FAM240A: variants seen among roughly 807,000 people sequenced by gnomAD.
FAM240A encodes protein FAM240A.
Under a neutral mutation model 7.3 loss-of-function variants are expected in FAM240A, and 8 were observed. That is an observed-to-expected ratio of 1.09 (90% CI 0.64 to 1.97). The LOEUF (loss-of-function observed/expected upper bound fraction) is 1.97, where lower values mean the gene tolerates loss of function less well. FAM240A is among the 30% of genes most tolerant of loss of function. FAM240A has a pLI of 0.00. For missense variants in FAM240A, 90 were observed against 102.2 expected (o/e 0.88, Z 0.52); for synonymous variants, 32 against 35.9 (o/e 0.89, Z 0.38).
intron 2 of FAM240A, among the ~76,000 whole-genome samples, chr3:46,618,113 G>A (rs1187829604): frequency 6.6e-6 from 1 of 152,216 alleles, no homozygotes; most frequent in East Asian, 1.9e-4. Flanking sequence ...CTTGTGTGCT[G>A]TCCAGACAGC....
intron 2 of FAM240A, among the ~76,000 whole-genome samples, chr3:46,624,176 T>C (rs753760869): frequency 5.6e-4 from 86 of 152,220 alleles, no homozygotes; most frequent in Non-Finnish European, 2.4e-4. Context: ...TCTTGGCCTT[T>C]ATGCTATTGT....
intron 2 of FAM240A, among the ~76,000 whole-genome samples, chr3:46,622,110 T>C (rs1198577844): frequency 7.4e-6 from 1 of 135,404 alleles, no homozygotes; most frequent in South Asian, 2.6e-4. Flanking sequence ...AATTTTCTTT[T>C]TTTTTTTTTT....
At chr3:46,618,370 T>C (rs869701) in intron 2 of FAM240A, among the ~76,000 whole-genome samples, 75,173 of 151,988 alleles carry the variant, frequency 0.49, 18,919 homozygotes, top group Non-Finnish European at 0.54. Context: ...CCCCAGGCTA[T>C]GCCACTCAGA....
chr3:46,623,039 T>G (rs115401665), intron 2 of FAM240A, among the ~76,000 whole-genome samples: 1,988 of 152,302 alleles, frequency 0.013, 37 homozygotes, highest in African/African-American at 0.042. Flanking sequence ...TTTTAATATC[T>G]CTCAGCAATG....
At chr3:46,616,704 C>T (rs112303696) in intron 1 of FAM240A, among the ~76,000 whole-genome samples, 79 of 149,534 alleles carry the variant, frequency 5.3e-4, no homozygotes, top group African/African-American at 1.9e-3. Context: ...CACACACACA[C>T]ACACACACAC....
rs10539495 is a variant in FAM240A, at chr3:46,624,963, TTATA to T, written c.162-149_162-146del. ...ATATAAATAAATAAATATGAATAAA[TTATA>T]TATATATATATATATTTAAACTTGC... On this transcript the variant is annotated intron_variant, in intron 2 of 2. Coordinates refer to ENST00000640551, the MANE Select transcript of FAM240A (RefSeq NM_001195442.2). Among the ~76,000 whole-genome samples, 20 of 146,618 alleles carry T rather than the reference TTATA, an allele frequency of 1.4e-4. No homozygotes were observed. In the South Asian group the frequency reaches 2.5e-3, roughly 19 times the overall value.
At position 46,626,304 on chromosome 3, in the gene FAM240A, G is replaced by C. The variant is rs1697760693; in HGVS notation, c.*1086G>C. On this transcript the variant is annotated 3_prime_UTR_variant, in exon 3 of 3. Coordinates refer to ENST00000640551, the MANE Select transcript of FAM240A (RefSeq NM_001195442.2). Reference sequence around the variant, plus strand: ...GGAATCCGGGAGTGGCCAACCGGGAGTTTCATACCTTAATTGTGAAGGACA... The same window carrying C: ...GGAATCCGGGAGTGGCCAACCGGGACTTTCATACCTTAATTGTGAAGGACA... 6.6e-6 allele frequency: 1 copy of C among 152,198 alleles called. No homozygotes were observed. The highest frequency in any genetic ancestry group is 6.5e-5 in the Admixed American group (1 of 15,288). The allele number at this position is 152,198 out of a possible 1,614,324, so 9.4% of individuals were successfully genotyped here.
In FAM240A at chr3:46,617,092, T is replaced by C. The variant is rs202089416; in HGVS notation, c.16-91T>C. The C allele has an allele frequency of 2.0e-4, 172 of 859,778 alleles. 2 individuals carry two copies. In the East Asian group the frequency reaches 4.7e-3, roughly 23 times the overall value. The allele number at this position is 859,778 out of a possible 1,614,324, so 53.3% of individuals were successfully genotyped here. A position where few individuals can be genotyped will look rare whatever the true frequency, so the allele number is the denominator to read the frequency against. On this transcript the variant is annotated intron_variant, in intron 1 of 2. Transcript: ENST00000640551. ...GAGTAAGATGGTAGGTATCTCATTGTGGTTTTAATTTACATTTCCCTGATG... is the reference window on the plus strand; with the variant it reads ...GAGTAAGATGGTAGGTATCTCATTGCGGTTTTAATTTACATTTCCCTGATG...
intron 2 of FAM240A, among the ~76,000 whole-genome samples, chr3:46,618,846 GA>G (rs1482829751): frequency 9.1e-6 from 1 of 109,578 alleles, no homozygotes; most frequent in Admixed American, 9.6e-5. Context: ...GTCTCAAAAA[GA>G]AAAAAAGATA....
intron 2 of FAM240A, among the ~76,000 whole-genome samples, chr3:46,622,121 T>C (rs888227197): frequency 2.9e-4 from 41 of 142,164 alleles, no homozygotes; most frequent in African/African-American, 1.0e-3. Context: ...TTTTTTTTTT[T>C]TTTTTTTTTG....
chr3:46,621,354 T>TGA (rs1559439380), intron 2 of FAM240A, among the ~76,000 whole-genome samples: 2 of 151,810 alleles, frequency 1.3e-5, no homozygotes, highest in Middle Eastern at 3.4e-3. Context: ...GACTTTATAT[T>TGA]GTCTGTTAAT....
rs139502980 is a variant in FAM240A at position 46,615,466 on chromosome 3, G to C, written c.16-1717G>C. Among the ~76,000 whole-genome samples the C allele has an allele frequency of 4.5e-3, 686 of 152,218 alleles. 9 individuals are homozygous for C. The highest frequency in any genetic ancestry group is 0.015 in the African/African-American group (617 of 41,524). On this transcript the variant is annotated intron_variant, in intron 1 of 2. Transcript: ENST00000640551. ...TCATCATCTTTGCCCCTCCCGTCCT[G>C]GTCACAGCATCGCTCTGGGCTCCTC...
intron 1 of FAM240A, among the ~76,000 whole-genome samples, chr3:46,615,811 T>A (rs1183129033): frequency 1.3e-5 from 2 of 152,124 alleles, no homozygotes; most frequent in African/African-American, 2.4e-5. Context: ...GAGTGTCTGA[T>A]ATGTATAATT....
In FAM240A at chr3:46,618,621, A is replaced by G. The variant is rs189832567; in HGVS notation, c.161+1293A>G. 4.1e-4 allele frequency among the ~76,000 whole-genome samples: 63 copies of G among 152,140 alleles called. No individual in the cohort carries two copies. In the East Asian group the frequency reaches 0.01, roughly 25 times the overall value. ...TTTGGGAGGCTGAGGTGGGCGGATC[A>G]CCTGAGGTCGAGAGTTTGAGACCAG... On this transcript the variant is annotated intron_variant, in intron 2 of 2. Transcript: ENST00000640551.
intron 2 of FAM240A, among the ~76,000 whole-genome samples, chr3:46,622,691 A>C (rs571404120): frequency 6.6e-6 from 1 of 152,210 alleles, no homozygotes; most frequent in South Asian, 2.1e-4. Context: ...TAACTCATCT[A>C]TGTGTAGGAA....
chr3:46,615,310 A>C (rs1697615485), intron 1 of FAM240A, among the ~76,000 whole-genome samples: 1 of 151,844 alleles, frequency 6.6e-6, no homozygotes, highest in Non-Finnish European at 1.5e-5. Context: ...CATCCAGCAC[A>C]GCCTGAGCCC....
chr3:46,621,867 G>A (rs1384739979), intron 2 of FAM240A, among the ~76,000 whole-genome samples: 1 of 150,952 alleles, frequency 6.6e-6, no homozygotes, highest in African/African-American at 2.4e-5. Flanking sequence ...TTCATTTATT[G>A]TAACTGGCTT....
chr3:46,614,056 C>A (rs376868282), intron 1 of FAM240A, among the ~76,000 whole-genome samples: 4 of 152,006 alleles, frequency 2.6e-5, no homozygotes, highest in East Asian at 3.9e-4. Flanking sequence ...GTAGCTGGGA[C>A]CACAGGCACG....
In FAM240A at chr3:46,624,264, A is replaced by ATTTTTTT. The variant is rs59290700; in HGVS notation, c.162-845_162-839dup. On this transcript the variant is annotated intron_variant, in intron 2 of 2. Transcript: ENST00000640551. ...ATAGTTTTACTTTCAACGGTGGGCT[A>ATTTTTTT]TTTTTTTTTTTTTTTTTTTTTTTTT... Among the ~76,000 whole-genome samples, 47 of 96,494 alleles carry ATTTTTTT rather than the reference A, an allele frequency of 4.9e-4. 2 individuals are homozygous for ATTTTTTT. Among genetic ancestry groups the ATTTTTTT allele is most frequent in the African/African-American group, 1.6e-3 (36 of 22,980 alleles). The allele number at this position is 96,494 out of a possible 152,430, so 63.3% of individuals were successfully genotyped here. A position where few individuals can be genotyped will look rare whatever the true frequency, so the allele number is the denominator to read the frequency against.
Sources: gnomAD v4.1 joint callset for allele counts (sites outside exome capture counted in the v4.1 genomes callset) on GRCh38, gnomAD v4.1.1 for gene constraint, MANE v1.5 for transcripts, NCBI Gene and HGNC (gene_info 2026-07-23, HGNC 2026-07-21) for gene names.